DIP2B: variants seen among roughly 807,000 people sequenced by gnomAD.
DIP2B encodes disco-interacting protein 2 homolog B.
In DIP2B, 76 loss-of-function variants were observed where a neutral mutation model predicts 198.0. That is an observed-to-expected ratio of 0.38 (90% CI 0.32 to 0.46). The LOEUF (loss-of-function observed/expected upper bound fraction) is 0.46. Ranked by LOEUF, DIP2B falls within the 20% of genes least tolerant of loss-of-function variation. DIP2B has a pLI of 0.99. For missense variants in DIP2B, 1,559 were observed against 1,978.4 expected (o/e 0.79, Z 4.02); for synonymous variants, 701 against 739.1 (o/e 0.95, Z 0.84).
intron 1 of DIP2B, among the ~76,000 whole-genome samples, chr12:50,564,904 C>T (rs572121821): frequency 6.6e-6 from 1 of 152,264 alleles, no homozygotes; most frequent in African/African-American, 2.4e-5. Flanking sequence ...TGAGATCTTC[C>T]ACCTGAGTCC....
intron 2 of DIP2B, among the ~76,000 whole-genome samples, chr12:50,628,436 GC>G (rs1937978707): frequency 6.6e-6 from 1 of 152,120 alleles, no homozygotes; most frequent in Admixed American, 6.6e-5. Context: ...AAATTGGTCT[GC>G]TTTTTACTAA....
chr12:50,668,309 T>G (rs1938791632), intron 4 of DIP2B, among the ~76,000 whole-genome samples: 1 of 152,238 alleles, frequency 6.6e-6, no homozygotes, highest in Non-Finnish European at 1.5e-5. Flanking sequence ...TTAGTGTGTT[T>G]GTCAAATGGA....
chr12:50,659,086 C>CA (rs1159723738), intron 3 of DIP2B, among the ~76,000 whole-genome samples: 4 of 151,448 alleles, frequency 2.6e-5, no homozygotes, highest in East Asian at 1.9e-4. Context: ...CACTCCATCT[C>CA]AAAAAAAACA....
At chr12:50,509,597 G>A (rs999506913) in intron 1 of DIP2B, among the ~76,000 whole-genome samples, 2 of 152,210 alleles carry the variant, frequency 1.3e-5, no homozygotes, top group East Asian at 3.8e-4. Context: ...CACAGGGTCT[G>A]CCACGAAGGC....
At chr12:50,605,583 T>C (rs1017649938) in intron 1 of DIP2B, among the ~76,000 whole-genome samples, 1 of 152,108 alleles carries the variant, frequency 6.6e-6, no homozygotes, top group Non-Finnish European at 1.5e-5. Flanking sequence ...AGAAATCCCA[T>C]ATTCATTAGC....
intron 4 of DIP2B, among the ~76,000 whole-genome samples, chr12:50,668,813 T>G (rs1357991607): frequency 6.6e-6 from 1 of 152,206 alleles, no homozygotes; most frequent in Non-Finnish European, 1.5e-5. Context: ...TTTTTTAACA[T>G]GTTTGCTAAG....
intron 4 of DIP2B, among the ~76,000 whole-genome samples, chr12:50,667,724 A>G (rs1198477480): frequency 1.3e-5 from 2 of 152,102 alleles, no homozygotes; most frequent in Non-Finnish European, 2.9e-5. Context: ...CTTTCCCTTC[A>G]TGTTTATAGG....
At chr12:50,669,287 C>T (rs1938808978) in intron 4 of DIP2B, among the ~76,000 whole-genome samples, 1 of 152,196 alleles carries the variant, frequency 6.6e-6, no homozygotes, top group African/African-American at 2.4e-5. Flanking sequence ...GACATAGTTC[C>T]TGGCACATGT....
At chr12:50,730,352 CT>C (rs907385972) in intron 30 of DIP2B, among the ~76,000 whole-genome samples, 17 of 148,504 alleles carry the variant, frequency 1.1e-4, no homozygotes, top group African/African-American at 4.2e-4. Context: ...CTCTCTCTTT[CT>C]TTTTTTGTTT....
chr12:50,650,332 A>G (rs749553876), intron 3 of DIP2B, among the ~76,000 whole-genome samples: 30 of 152,234 alleles, frequency 2.0e-4, no homozygotes, highest in Non-Finnish European at 3.5e-4. Flanking sequence ...TGGTTAAAAA[A>G]CACATAAATT....
intron 12 of DIP2B, among the ~76,000 whole-genome samples, chr12:50,687,840 A>G (rs898455710): frequency 6.6e-6 from 1 of 151,700 alleles, no homozygotes; most frequent in Non-Finnish European, 1.5e-5. Flanking sequence ...CATGGCACAC[A>G]TATACCTATG....
chr12:50,521,237 G>C (rs1958116105), intron 1 of DIP2B, among the ~76,000 whole-genome samples: 1 of 151,148 alleles, frequency 6.6e-6, no homozygotes. Flanking sequence ...CTCCTGAGTA[G>C]CTGAGATTAC....
At chr12:50,533,017 A>G (rs892135821) in intron 1 of DIP2B, among the ~76,000 whole-genome samples, 1 of 152,236 alleles carries the variant, frequency 6.6e-6, no homozygotes, top group African/African-American at 2.4e-5. Context: ...GCTGTTATCT[A>G]AAATGGTTTG....
intron 8 of DIP2B, 31 bp downstream of exon 8, chr12:50,678,907 C>A (rs1389323800): frequency 3.7e-6 from 6 of 1,612,144 alleles, no homozygotes; most frequent in Non-Finnish European, 5.1e-6. Context: ...ATCCTTCTCT[C>A]CTGAGAGTTC....
chr12:50,566,971 CAAA>C (rs34854416), intron 1 of DIP2B, among the ~76,000 whole-genome samples: 4 of 78,470 alleles, frequency 5.1e-5, no homozygotes, highest in Admixed American at 1.4e-4. Flanking sequence ...GACTCCGTCT[CAAA>C]AAAAAAAAAA....
intron 12 of DIP2B, among the ~76,000 whole-genome samples, chr12:50,687,415 A>T (rs918150850): frequency 6.6e-6 from 1 of 152,232 alleles, no homozygotes; most frequent in African/African-American, 2.4e-5. Flanking sequence ...TGCCTGAGAC[A>T]TATGCTCACC....
intron 4 of DIP2B, among the ~76,000 whole-genome samples, chr12:50,664,128 C>T (rs146942041): frequency 6.6e-6 from 1 of 152,162 alleles, no homozygotes; most frequent in Non-Finnish European, 1.5e-5. Context: ...GCACTCAATA[C>T]GTAACTGTTT....
intron 1 of DIP2B, among the ~76,000 whole-genome samples, chr12:50,574,337 A>G (rs907537051): frequency 6.6e-6 from 1 of 152,216 alleles, no homozygotes; most frequent in Non-Finnish European, 1.5e-5. Flanking sequence ...AAACCAAACT[A>G]TTAGCAGATG....
At chr12:50,532,736 T>C (rs1056098668) in intron 1 of DIP2B, among the ~76,000 whole-genome samples, 2 of 151,560 alleles carry the variant, frequency 1.3e-5, no homozygotes, top group Non-Finnish European at 2.9e-5. Flanking sequence ...GAATGTAGGG[T>C]GTGGTTTGAC....
Sources: allele counts gnomAD v4.1 joint callset (sites outside exome capture counted in the v4.1 genomes callset), GRCh38; gene constraint gnomAD v4.1.1; transcripts MANE v1.5; gene names NCBI Gene and HGNC (gene_info 2026-07-23, HGNC 2026-07-21).